Variants in CADPS observed in about 807,000 individuals in gnomAD.
CADPS encodes the protein calcium dependent secretion activator.
Under a neutral mutation model 167.3 loss-of-function variants are expected in CADPS, and 57 were observed. The ratio of observed to expected loss-of-function variants is 0.34; its 90% CI spans 0.28 to 0.42. CADPS has a LOEUF of 0.42. Ranked by LOEUF, CADPS falls within the 20% of genes least tolerant of loss-of-function variation. CADPS has a pLI of 1.00. For synonymous variants in CADPS, 676 were observed against 635.3 expected (o/e 1.06, Z -0.96); for missense variants, 1,414 against 1,738.1 (o/e 0.81, Z 3.32).
At chr3:62,664,857 A>C (rs936878397) in intron 3 of CADPS, among the ~76,000 whole-genome samples, 13 of 152,256 alleles carry the variant, frequency 8.5e-5, no homozygotes, top group Non-Finnish European at 1.2e-4. Context: ...GAAACAGCAG[A>C]AAATGCTGGC....
rs1459670735 is a variant in CADPS at position 62,601,464 on chromosome 3, T to C, written c.1326-8716A>G. Among the ~76,000 whole-genome samples, 1 of 152,212 alleles carries C rather than the reference T, an allele frequency of 6.6e-6. No individual in the cohort carries two copies. The highest frequency in any genetic ancestry group is 1.5e-5 in the Non-Finnish European group (1 of 68,046). On this transcript the variant is annotated intron_variant, in intron 6 of 29. Transcript: ENST00000383710. The surrounding 1 kb of genome is among the most constrained non-coding windows in gnomAD (Gnocchi z 4.3). ...TGGCCTAATGGAAATACTTTTATTT[T>C]CATTAGCAGATTAGCAGAATGCTCA...
At chr3:62,495,301 C>T (rs1383800589) in intron 18 of CADPS, among the ~76,000 whole-genome samples, 1 of 152,060 alleles carries the variant, frequency 6.6e-6, no homozygotes, top group East Asian at 1.9e-4. Context: ...CCTGACTCTC[C>T]AAGAAGAACA....
At chr3:62,560,256 G>A (rs1031393175) in intron 9 of CADPS, among the ~76,000 whole-genome samples, 2 of 152,144 alleles carry the variant, frequency 1.3e-5, no homozygotes, top group African/African-American at 4.8e-5. Flanking sequence ...ATTGAATGGT[G>A]GGAGAATTGC....
At chr3:62,754,201 G>A (rs1023779020) in intron 2 of CADPS, among the ~76,000 whole-genome samples, 1 of 152,086 alleles carries the variant, frequency 6.6e-6, no homozygotes, top group Admixed American at 6.6e-5. Context: ...TTTTGAGATA[G>A]TCTTGCTCTG....
intron 3 of CADPS, among the ~76,000 whole-genome samples, chr3:62,744,166 T>C (rs565584): frequency 0.33 from 50,762 of 151,848 alleles, 8,943 homozygotes; most frequent in South Asian, 0.45. Context: ...AATTTGATGA[T>C]GCATATAAAG....
intron 1 of CADPS, among the ~76,000 whole-genome samples, chr3:62,794,793 A>AGAAAAAAAAG (rs1553689816): frequency 1.5e-5 from 2 of 136,692 alleles, no homozygotes; most frequent in East Asian, 3.9e-4. Flanking sequence ...AAAAAAAAAA[A>AGAAAAAAAAG]AAAAAAAAAA....
At chr3:62,571,078 T>TGGTTGAGCATAAACAACAGCAAGC (rs2081204053) in intron 8 of CADPS, 140 bp from the exon 9 acceptor site, 1 of 663,510 alleles carries the variant, frequency 1.5e-6, no homozygotes, top group East Asian at 2.6e-5. Context: ...TGGAGCTCTG[T>TGGTTGAGCATAAACAACAGCAAGC]GGTTGAGCAT....
At chr3:62,794,577 T>C (rs530550961) in intron 1 of CADPS, among the ~76,000 whole-genome samples, 1 of 152,278 alleles carries the variant, frequency 6.6e-6, no homozygotes, top group Non-Finnish European at 1.5e-5. Flanking sequence ...TACAGGTATT[T>C]AGTAAATAAT....
intron 11 of CADPS, among the ~76,000 whole-genome samples, chr3:62,547,491 C>T (rs1314122979): frequency 6.7e-6 from 1 of 150,244 alleles, no homozygotes; most frequent in Non-Finnish European, 1.5e-5. Flanking sequence ...AAATCTACCA[C>T]TAGGTACTGA....
At chr3:62,486,824 G>GGGAA (rs2062894048) in intron 21 of CADPS, among the ~76,000 whole-genome samples, 1 of 152,228 alleles carries the variant, frequency 6.6e-6, no homozygotes, top group Non-Finnish European at 1.5e-5. Context: ...AGTGTGCTTG[G>GGGAA]AGTAGCAAGC....
chr3:62,421,386 G>T lies in CADPS; in HGVS notation c.3777+16718C>A, dbSNP rs2051354488. Among the ~76,000 whole-genome samples the T allele has an allele frequency of 6.6e-6, 1 of 152,172 alleles. No individual in the cohort carries two copies. Among genetic ancestry groups the T allele is most frequent in the African/African-American group, 2.4e-5 (1 of 41,458 alleles). ...TGGGGCAAACCTCCTAAGTTGAATGGAGTGTCTTTTGGGACCAATTTGTCT... is the reference window on the plus strand; with the variant it reads ...TGGGGCAAACCTCCTAAGTTGAATGTAGTGTCTTTTGGGACCAATTTGTCT... On this transcript the variant is annotated intron_variant, in intron 28 of 29. Transcript: ENST00000383710. This position sits in a 1 kb window ranked among gnomAD's most constrained non-coding sequence, Gnocchi z 4.7.
At chr3:62,419,832 G>T (rs1181939443) in intron 28 of CADPS, among the ~76,000 whole-genome samples, 1 of 152,152 alleles carries the variant, frequency 6.6e-6, no homozygotes, top group African/African-American at 2.4e-5. Flanking sequence ...CTCATGTACA[G>T]AACGGAAAGA....
chr3:62,437,463 G>T (rs928473598), intron 28 of CADPS, among the ~76,000 whole-genome samples: 1 of 149,416 alleles, frequency 6.7e-6, no homozygotes, highest in African/African-American at 2.5e-5. Context: ...TCTGAAGTTT[G>T]ATCTGGGTCC....
At chr3:62,487,293 T>C (rs1409660286) in intron 21 of CADPS, among the ~76,000 whole-genome samples, 2 of 152,252 alleles carry the variant, frequency 1.3e-5, no homozygotes, top group South Asian at 2.1e-4. Flanking sequence ...TTCTTTCATA[T>C]TGAAGGCCAC....
At chr3:62,469,796 C>T (rs1182265309) in intron 24 of CADPS, 1 of 152,940 alleles carries the variant, frequency 6.5e-6, no homozygotes, top group Non-Finnish European at 1.5e-5. Flanking sequence ...GTGTGAGCCA[C>T]CACGTCCGGC....
At chr3:62,516,715 C>A (rs555548426) in intron 14 of CADPS, 72 bp from the exon 15 acceptor site, 3 of 1,040,226 alleles carry the variant, frequency 2.9e-6, no homozygotes, top group Non-Finnish European at 4.4e-6. Flanking sequence ...CAATTTGATT[C>A]CTATAGCAAC....
At chr3:62,441,282 T>C (rs1436070955) in intron 27 of CADPS, 1 of 152,186 alleles carries the variant, frequency 6.6e-6, no homozygotes, top group Non-Finnish European at 1.5e-5. Context: ...CTTAAACAAA[T>C]ATCTGTATAG....
In CADPS at chr3:62,781,288, C is replaced by A. The variant is rs547961271; in HGVS notation, c.442-15304G>T. 2.0e-5 allele frequency among the ~76,000 whole-genome samples: 3 copies of A among 152,240 alleles called. No individual in the cohort carries two copies. In the South Asian group the frequency reaches 6.2e-4, roughly 32 times the overall value. ...CCTTTAGCAGCTGAGTTGGCTGCTG[C>A]CAAATATAAGAGCAGTGAATCTACT... On this transcript the variant is annotated intron_variant, in intron 1 of 29. Coordinates refer to ENST00000383710, the MANE Select transcript of CADPS (RefSeq NM_003716.4).
chr3:62,809,787 T>C (rs953454661), intron 1 of CADPS, among the ~76,000 whole-genome samples: 1 of 152,172 alleles, frequency 6.6e-6, no homozygotes, highest in African/African-American at 2.4e-5. Context: ...AGATGATGCA[T>C]AATATCCATG....
Sources: gnomAD v4.1 joint callset for allele counts (sites outside exome capture counted in the v4.1 genomes callset) on GRCh38, gnomAD v4.1.1 for gene constraint, Gnocchi (gnomAD v3.1) non-coding constraint, MANE v1.5 for transcripts, NCBI Gene and HGNC (gene_info 2026-07-23, HGNC 2026-07-21) for gene names.